The following CLINT1 variants were observed in gnomAD, a reference collection of about 807,000 sequenced individuals.
CLINT1 encodes the protein clathrin interacting protein localized in the trans-Golgi region.
Under a neutral mutation model 70.4 loss-of-function variants are expected in CLINT1, and 15 were observed. The ratio of observed to expected loss-of-function variants is 0.21; its 90% CI spans 0.14 to 0.33. The LOEUF (loss-of-function observed/expected upper bound fraction) is 0.33. CLINT1 is among the 10% of genes least tolerant of loss of function. The probability of loss-of-function intolerance (pLI) is 1.00; values close to 1 mark genes in which losing one functional copy is unlikely to be tolerated. For missense variants in CLINT1, 615 were observed against 778.1 expected (o/e 0.79, Z 2.49); for synonymous variants, 227 against 254.7 (o/e 0.89, Z 1.04).
intron 6 of CLINT1, chr5:157,809,249 G>A: frequency 6.1e-6 from 1 of 165,122 alleles, no homozygotes. Context: ...ATACAATACA[G>A]TAATGAGGAA....
At chr5:157,838,119 TTTG>T (rs1763493881) in intron 1 of CLINT1, among the ~76,000 whole-genome samples, 1 of 139,466 alleles carries the variant, frequency 7.2e-6, no homozygotes, top group Admixed American at 7.3e-5. Flanking sequence ...TCAAGGTTTT[TTTG>T]TTTTTTTTTT....
At chr5:157,858,293 C>T (rs969392216) in intron 1 of CLINT1, among the ~76,000 whole-genome samples, 2 of 152,110 alleles carry the variant, frequency 1.3e-5, no homozygotes, top group Admixed American at 1.3e-4. Context: ...AAGAAAAAAT[C>T]GCAAGAAGTC....
At chr5:157,801,920 A>T (rs182434739) in intron 8 of CLINT1, among the ~76,000 whole-genome samples, 389 of 151,398 alleles carry the variant, frequency 2.6e-3, no homozygotes, top group African/African-American at 9.0e-3. Context: ...TTGAGACAAG[A>T]GTCTTGCTCT....
intron 10 of CLINT1, chr5:157,790,158 G>GCA: frequency 1.2e-5 from 2 of 161,144 alleles, no homozygotes; most frequent in Non-Finnish European, 2.7e-5. Flanking sequence ...CAGAGATCGT[G>GCA]CCACTGCACT....
At chr5:157,834,673 C>T (rs1763361380) in intron 1 of CLINT1, among the ~76,000 whole-genome samples, 1 of 152,108 alleles carries the variant, frequency 6.6e-6, no homozygotes, top group South Asian at 2.1e-4. Flanking sequence ...CTATGTGCTT[C>T]CAGAATCCCC....
At chr5:157,793,784 C>G (rs190807972) in intron 9 of CLINT1, among the ~76,000 whole-genome samples, 1 of 152,230 alleles carries the variant, frequency 6.6e-6, no homozygotes, top group Admixed American at 6.5e-5. Context: ...AATAAGTAGT[C>G]AAAATAACCC....
intron 1 of CLINT1, among the ~76,000 whole-genome samples, chr5:157,825,924 C>T (rs2113245372): frequency 6.6e-6 from 1 of 152,256 alleles, no homozygotes; most frequent in African/African-American, 2.4e-5. Flanking sequence ...TTTAATACTA[C>T]TGAACATTGC....
chr5:157,829,570 G>C (rs1052030212), intron 1 of CLINT1, among the ~76,000 whole-genome samples: 1 of 152,100 alleles, frequency 6.6e-6, no homozygotes, highest in African/African-American at 2.4e-5. Context: ...GCCCAGGCTG[G>C]AGTGCAGTGG....
chr5:157,855,006 T>C lies in CLINT1; in HGVS notation c.41+3924A>G, dbSNP rs556970292. ...GAAAAATACAAAAATTAGCCAGGCA[T>C]GGAGGTAGACGCCTGTAATCCCAGC... On this transcript the variant is annotated intron_variant, in intron 1 of 11. Coordinates refer to ENST00000411809, the MANE Select transcript of CLINT1 (RefSeq NM_014666.4). Among the ~76,000 whole-genome samples the C allele has an allele frequency of 4.6e-5, 7 of 151,872 alleles. No individual in the cohort carries two copies. In the East Asian group the frequency reaches 1.4e-3, roughly 29 times the overall value.
chr5:157,792,089 G>T (rs149050910), intron 9 of CLINT1, 94 bp from the exon 10 acceptor site: 4 of 1,047,616 alleles, frequency 3.8e-6, no homozygotes, highest in African/African-American at 1.6e-5. Context: ...GAGCTGATCT[G>T]AGTCCCCCAG....
rs140086995 is a variant in CLINT1, at chr5:157,809,840, C to T, written c.518-35G>A. 469 of 1,579,826 alleles carry T rather than the reference C, an allele frequency of 3.0e-4. 1 individual carries two copies. The African/African-American group carries it at 4.1e-3, about 14-fold the overall frequency. On this transcript the variant is annotated intron_variant, in intron 5 of 11. Coordinates refer to ENST00000411809, the MANE Select transcript of CLINT1 (RefSeq NM_014666.4). ...GCATTAAAAAAAGAAGCAATTCTAA[C>T]GACATTAAATTCAAAAGGTATCTAC... is the stretch of plus-strand genomic sequence containing the variant.
Position 157,813,239 on chromosome 5 carries a change from G to A in CLINT1, c.353-12C>T. 6.2e-7 allele frequency: 1 copy of A among 1,605,830 alleles called. No homozygotes were observed. The highest frequency in any genetic ancestry group is 8.5e-7 in the Non-Finnish European group (1 of 1,177,022). On this transcript the variant is annotated splice_polypyrimidine_tract_variant and intron_variant, in intron 4 of 11. Transcript: ENST00000411809. ...CTTACCATGCTCATCTATGAGGATG[G>A]TAAGAGATAAGCAAAACCTAAGAAT...
rs192632993 is a variant in CLINT1, at chr5:157,786,470, C to T, written c.*1176G>A. ...CTTGAGGGTAAAACAATTAATTTTG[C>T]ATTCCAAACTCTAGAATCATGATTT... On this transcript the variant is annotated 3_prime_UTR_variant, in exon 12 of 12. Transcript: ENST00000411809. 3.3e-5 allele frequency: 5 copies of T among 152,522 alleles called. No homozygotes were observed. Among genetic ancestry groups the T allele is most frequent in the Admixed American group, 3.3e-4 (5 of 15,278 alleles). 9.4% of individuals were successfully genotyped at this position (152,522 alleles called of 1,614,324 possible). A position where few individuals can be genotyped will look rare whatever the true frequency, so the allele number is the denominator to read the frequency against.
At chr5:157,838,191 C>T (rs1199763088) in intron 1 of CLINT1, among the ~76,000 whole-genome samples, 2 of 145,328 alleles carry the variant, frequency 1.4e-5, no homozygotes, top group African/African-American at 5.1e-5. Context: ...GGCACGATCT[C>T]GGCTCACTGC....
intron 1 of CLINT1, among the ~76,000 whole-genome samples, chr5:157,835,847 AT>A (rs1386709237): frequency 1.3e-5 from 2 of 152,204 alleles, no homozygotes; most frequent in African/African-American, 4.8e-5. Flanking sequence ...TTGGCACAAG[AT>A]TTCTGTGTCC....
intron 1 of CLINT1, among the ~76,000 whole-genome samples, chr5:157,832,020 C>T (rs1295984178): frequency 6.6e-6 from 1 of 151,300 alleles, no homozygotes; most frequent in African/African-American, 2.4e-5. Flanking sequence ...CAGAGTCTCG[C>T]ACTGTCCCCC....
chr5:157,804,699 T>C (rs1762335011), intron 7 of CLINT1, among the ~76,000 whole-genome samples: 1 of 151,914 alleles, frequency 6.6e-6, no homozygotes, highest in African/African-American at 2.4e-5. Context: ...CCGAAGCAGG[T>C]GGATCACTTG....
intron 9 of CLINT1, among the ~76,000 whole-genome samples, chr5:157,794,603 G>A (rs1160995873): frequency 1.3e-5 from 2 of 152,138 alleles, no homozygotes; most frequent in African/African-American, 2.4e-5. Flanking sequence ...TAAATAAAAT[G>A]AGATGATACA....
At chr5:157,832,289 G>T (rs1763271612) in intron 1 of CLINT1, among the ~76,000 whole-genome samples, 1 of 152,172 alleles carries the variant, frequency 6.6e-6, no homozygotes, top group South Asian at 2.1e-4. Context: ...AGCCAGAGCT[G>T]CTTTTTACAA....
Sources: allele counts gnomAD v4.1 joint callset (sites outside exome capture counted in the v4.1 genomes callset), GRCh38; gene constraint gnomAD v4.1.1; transcripts MANE v1.5; gene names NCBI Gene and HGNC (gene_info 2026-07-23, HGNC 2026-07-21).